The following TIMD4 variants were observed in gnomAD, a reference collection of about 807,000 sequenced individuals.
TIMD4 encodes the protein T-cell immunoglobulin and mucin domain-containing protein 4.
In TIMD4, 31 loss-of-function variants were observed where a neutral mutation model predicts 41.2. The ratio of observed to expected loss-of-function variants is 0.75; its 90% CI spans 0.57 to 1.01. The LOEUF (loss-of-function observed/expected upper bound fraction) is 1.01. Among genes scored for constraint, TIMD4 ranks in the 50% least tolerant of loss-of-function variants. The pLI, the probability that TIMD4 is intolerant of heterozygous loss-of-function variation, is 0.00. For missense variants in TIMD4, 479 were observed against 472.5 expected (o/e 1.01, Z -0.13); for synonymous variants, 204 against 177.1 (o/e 1.15, Z -1.21).
At chr5:156,962,413 A>G (rs1472299994) in intron 1 of TIMD4, among the ~76,000 whole-genome samples, 2 of 152,248 alleles carry the variant, frequency 1.3e-5, no homozygotes, top group Non-Finnish European at 2.9e-5. Flanking sequence ...CCATTTAAAA[A>G]AAAAATGGAC....
chr5:156,945,548 T>A (rs1428420151), intron 5 of TIMD4, among the ~76,000 whole-genome samples: 1 of 152,172 alleles, frequency 6.6e-6, no homozygotes, highest in Non-Finnish European at 1.5e-5. Flanking sequence ...AGGTAAATCC[T>A]CGGTGGATGT....
chr5:156,919,933 CT>C (rs1271378085), intron 8 of TIMD4, among the ~76,000 whole-genome samples: 5 of 152,036 alleles, frequency 3.3e-5, no homozygotes, highest in Admixed American at 6.5e-5. Context: ...TAATTTATGC[CT>C]TTTTTAAAAA....
intron 6 of TIMD4, chr5:156,924,376 C>A: frequency 2.6e-6 from 1 of 383,144 alleles, no homozygotes. Flanking sequence ...TAAATGAAGC[C>A]AAAGATGTAA....
At chr5:156,938,969 T>A (rs1268513357) in intron 5 of TIMD4, among the ~76,000 whole-genome samples, 1 of 152,204 alleles carries the variant, frequency 6.6e-6, no homozygotes, top group African/African-American at 2.4e-5. Context: ...TCTAGCTCCT[T>A]AGCTGGCTTA....
At chr5:156,957,179 G>T (rs1315887550) in intron 1 of TIMD4, among the ~76,000 whole-genome samples, 1 of 152,082 alleles carries the variant, frequency 6.6e-6, no homozygotes, top group Non-Finnish European at 1.5e-5. Flanking sequence ...CCCGAATTTA[G>T]TCTCTTCACT....
At chr5:156,939,599 T>C (rs1019403899) in intron 5 of TIMD4, among the ~76,000 whole-genome samples, 15 of 152,328 alleles carry the variant, frequency 9.8e-5, no homozygotes, top group African/African-American at 3.4e-4. Flanking sequence ...TAGACACTTC[T>C]GAGGCATTTC....
chr5:156,955,564 G>A lies in TIMD4; in HGVS notation c.59-808C>T, dbSNP rs551723337. Among the ~76,000 whole-genome samples, 20 of 152,134 alleles carry A rather than the reference G, an allele frequency of 1.3e-4. No individual in the cohort carries two copies. The East Asian group carries it at 3.7e-3, about 28-fold the overall frequency. ...CCAGCTACTCAGGAGGCTGAGGCAG[G>A]AGAATGGCATGTACCAGGGAGGCAG... On this transcript the variant is annotated intron_variant, in intron 1 of 8. Transcript: ENST00000274532.
At chr5:156,928,335 C>T (rs1442272135) in intron 5 of TIMD4, among the ~76,000 whole-genome samples, 1 of 151,010 alleles carries the variant, frequency 6.6e-6, no homozygotes, top group African/African-American at 2.4e-5. Flanking sequence ...GCTGCATGTT[C>T]AGAGAGAAGA....
chr5:156,962,364 C>G (rs572580556), intron 1 of TIMD4, among the ~76,000 whole-genome samples: 3 of 151,824 alleles, frequency 2.0e-5, no homozygotes, highest in Non-Finnish European at 4.4e-5. Flanking sequence ...ATCAAAATAA[C>G]ACATATGTAG....
Position 156,943,151 on chromosome 5 carries a change from G to A in TIMD4, c.844+5265C>T, listed in dbSNP as rs1339398085. Among the ~76,000 whole-genome samples the A allele has an allele frequency of 4.8e-4, 73 of 152,166 alleles. 1 individual carries two copies. ...AGTTATTTGGGAGCTGGCAGAAGTG[G>A]CCTCTTGTTACCCTGCTGGACTGCC... is the stretch of plus-strand genomic sequence containing the variant. On this transcript the variant is annotated intron_variant, in intron 5 of 8. Transcript: ENST00000274532.
chr5:156,947,296 G>A (rs1561551422), intron 5 of TIMD4, among the ~76,000 whole-genome samples: 2 of 152,246 alleles, frequency 1.3e-5, no homozygotes, highest in African/African-American at 2.4e-5. Context: ...CATATCAAGT[G>A]TAGGGAGAAT....
chr5:156,958,934 A>G (rs575077411), intron 1 of TIMD4, among the ~76,000 whole-genome samples: 128 of 152,326 alleles, frequency 8.4e-4, no homozygotes, highest in African/African-American at 3.0e-3. Context: ...TTTCAAAACA[A>G]GACATAAAAT....
chr5:156,925,914 T>A (rs918562225), intron 6 of TIMD4, among the ~76,000 whole-genome samples: 1 of 152,184 alleles, frequency 6.6e-6, no homozygotes, highest in African/African-American at 2.4e-5. Context: ...TTGTTTTGTT[T>A]TGTTTTAAGA....
At chr5:156,923,797 C>T (rs116707723) in intron 6 of TIMD4, among the ~76,000 whole-genome samples, 6,629 of 151,854 alleles carry the variant, frequency 0.044, 213 homozygotes, top group Non-Finnish European at 0.068. Context: ...CCTCCTGCCT[C>T]GGCTTCCCAA....
chr5:156,940,234 A>G lies in TIMD4; in HGVS notation c.844+8182T>C, dbSNP rs1759617021. Among the ~76,000 whole-genome samples the G allele has an allele frequency of 3.9e-5, 6 of 152,354 alleles. No individual in the cohort carries two copies. The South Asian group carries it at 1.2e-3, about 32-fold the overall frequency. On this transcript the variant is annotated intron_variant, in intron 5 of 8. Coordinates refer to ENST00000274532, the MANE Select transcript of TIMD4 (RefSeq NM_138379.3). ...CGGCCTCCCGAGGTGCCGGGATTGC[A>G]GACGGAGTCTCACTTACACAGTGCT... is the stretch of plus-strand genomic sequence containing the variant.
At chr5:156,926,623 G>A (rs1032551171) in intron 5 of TIMD4, among the ~76,000 whole-genome samples, 3 of 152,078 alleles carry the variant, frequency 2.0e-5, no homozygotes, top group African/African-American at 4.8e-5. Context: ...ATTTTTATCC[G>A]GCAAGAAAAT....
At chr5:156,935,635 G>A (rs543415776) in intron 5 of TIMD4, 17 of 152,272 alleles carry the variant, frequency 1.1e-4, no homozygotes, top group African/African-American at 4.1e-4. Context: ...CACATTTCAC[G>A]CAGATTAGGT....
chr5:156,926,733 C>T (rs1190673579), intron 5 of TIMD4, among the ~76,000 whole-genome samples: 3 of 152,072 alleles, frequency 2.0e-5, no homozygotes, highest in African/African-American at 7.3e-5. Context: ...CAACTTAGTG[C>T]AGAAAATGAA....
At chr5:156,935,254 A>C (rs1217191435) in intron 5 of TIMD4, among the ~76,000 whole-genome samples, 1 of 152,104 alleles carries the variant, frequency 6.6e-6, no homozygotes, top group Admixed American at 6.6e-5. Context: ...AAGATTTTAC[A>C]GTAAATAACA....
Sources: gnomAD v4.1 joint callset for allele counts (sites outside exome capture counted in the v4.1 genomes callset) on GRCh38, gnomAD v4.1.1 for gene constraint, MANE v1.5 for transcripts, NCBI Gene and HGNC (gene_info 2026-07-23, HGNC 2026-07-21) for gene names.